The following CDC42BPA variants were observed in gnomAD, a reference collection of about 807,000 sequenced individuals.
The protein encoded by CDC42BPA is serine/threonine-protein kinase MRCK alpha.
In CDC42BPA, 80 loss-of-function variants were observed where a neutral mutation model predicts 223.5. The ratio of observed to expected loss-of-function variants is 0.36; its 90% CI spans 0.30 to 0.43. CDC42BPA has a LOEUF of 0.43. Ranked by LOEUF, CDC42BPA falls within the 20% of genes least tolerant of loss-of-function variation. CDC42BPA has a pLI of 1.00. For missense variants in CDC42BPA, 1,743 were observed against 2,099.9 expected, an observed-to-expected ratio of 0.83 and a Z score of 3.32; for synonymous variants, 694 against 718.6, an observed-to-expected ratio of 0.97 and a Z score of 0.55.
intron 6 of CDC42BPA, among the ~76,000 whole-genome samples, chr1:227,153,222 T>A (rs1343925027): frequency 7.9e-6 from 1 of 126,506 alleles, no homozygotes; most frequent in African/African-American, 2.8e-5. Context: ...TATACATCTG[T>A]ACCCAAAAGT....
At chr1:227,297,609 CAG>C (rs1690869151) in intron 1 of CDC42BPA, among the ~76,000 whole-genome samples, 1 of 152,018 alleles carries the variant, frequency 6.6e-6, no homozygotes, top group Admixed American at 6.6e-5. Context: ...CAGCCATAAA[CAG>C]GAATGAAGTT....
intron 1 of CDC42BPA, among the ~76,000 whole-genome samples, chr1:227,261,124 C>CTTTTTTTTTTTTTTTTTTTTT (rs386369874): frequency 8.3e-5 from 10 of 121,022 alleles, no homozygotes; most frequent in South Asian, 2.8e-4. Context: ...TTGAGTTTTT[C>CTTTTTTTTTTTTTTTTTTTTT]TTTTTTTTTG....
At position 227,206,318 on chromosome 1, in the gene CDC42BPA, A is replaced by G. The variant is rs552912403; in HGVS notation, c.355-6666T>C. ...GTAGAGTTATTGGTGATAAACTAGC[A>G]AAGTTTGTAAATGATAAATCTGTGA... On this transcript the variant is annotated intron_variant, in intron 3 of 36. Transcript: ENST00000366766. 5.3e-5 allele frequency among the ~76,000 whole-genome samples: 8 copies of G among 150,796 alleles called. No individual in the cohort carries two copies. In the East Asian group the frequency reaches 1.4e-3, roughly 26 times the overall value.
chr1:227,308,572 G>A (rs74219473), intron 1 of CDC42BPA, among the ~76,000 whole-genome samples: 1 of 146,688 alleles, frequency 6.8e-6, no homozygotes, highest in African/African-American at 2.5e-5. Context: ...TAAATCACCA[G>A]AAAAGGAAGA....
chr1:227,176,608 T>C (rs907787863), intron 5 of CDC42BPA, among the ~76,000 whole-genome samples: 2 of 149,994 alleles, frequency 1.3e-5, no homozygotes, highest in African/African-American at 4.9e-5. Context: ...GCTTTAGTTC[T>C]ACAACTGACT....
intron 23 of CDC42BPA, among the ~76,000 whole-genome samples, chr1:227,045,676 T>C (rs1209078038): frequency 6.6e-6 from 1 of 152,266 alleles, no homozygotes; most frequent in East Asian, 1.9e-4. Flanking sequence ...CTCAAATTTA[T>C]CTTGTGACTC....
intron 4 of CDC42BPA, 73 bp downstream of exon 4, chr1:227,199,484 A>G: frequency 1.1e-6 from 1 of 885,348 alleles, no homozygotes; most frequent in Non-Finnish European, 1.8e-6. Flanking sequence ...ACATTTAAAC[A>G]ATGCTTAAAT....
chr1:227,221,427 A>C (rs1675877951), intron 2 of CDC42BPA, among the ~76,000 whole-genome samples: 1 of 152,208 alleles, frequency 6.6e-6, no homozygotes, highest in Admixed American at 6.5e-5. Flanking sequence ...AGAAGTCAAC[A>C]ATCTGTATAC....
rs575953988 is a variant in CDC42BPA at position 227,074,359 on chromosome 1, C to G, written c.2486G>C (p.Ser829Thr). The change falls in exon 18 of 37, where the codon AGC becomes ACC. Residue 829 changes from serine (S) to threonine (T), a missense_variant. By Grantham distance (58) the Ser-to-Thr change is moderately conservative. Transcript: ENST00000366766. ...ATACCCTCGTGCATCCTTTTCATCG[C>G]TGACCCTAGAATATATAAAGACAAA... ...AQITEIIQWV[S>T]DEKDARGYLQ... The G allele has an allele frequency of 8.1e-6, 13 of 1,611,108 alleles. No homozygotes were observed. The South Asian group carries it at 1.3e-4, about 16-fold the overall frequency.
chr1:227,080,874 C>A lies in CDC42BPA; in HGVS notation c.2480+19G>T. 1 of 1,612,690 alleles carries A rather than the reference C, an allele frequency of 6.2e-7. No individual in the cohort carries two copies. The highest frequency in any genetic ancestry group is 8.5e-7 in the Non-Finnish European group (1 of 1,179,648). ...ATACTCACAATCATCCACAAAAAAA[C>A]GTTTAAAAGAGCACTCACCACTGAA... On this transcript the variant is annotated intron_variant, in intron 17 of 36. Transcript: ENST00000366766.
chr1:227,058,859 T>G (rs1214499817), intron 21 of CDC42BPA, among the ~76,000 whole-genome samples: 2 of 147,324 alleles, frequency 1.4e-5, no homozygotes, highest in Admixed American at 1.4e-4. Context: ...GTTTGGGAGA[T>G]TCCTCTGAAC....
At chr1:227,092,380 A>G (rs1683237935) in intron 15 of CDC42BPA, among the ~76,000 whole-genome samples, 1 of 152,202 alleles carries the variant, frequency 6.6e-6, no homozygotes, top group Non-Finnish European at 1.5e-5. Context: ...GCAATGCAAA[A>G]AGTATTTGGG....
chr1:227,030,324 G>C (rs1274916646), intron 29 of CDC42BPA, 84 bp downstream of exon 29: 8 of 794,634 alleles, frequency 1.0e-5, no homozygotes, highest in Non-Finnish European at 2.1e-6. Flanking sequence ...AGCAAATCCT[G>C]CTCTTTGTAG....
Position 227,030,423 on chromosome 1 carries a change from G to C in CDC42BPA, c.3823C>G (p.His1275Asp). 1 of 1,594,034 alleles carries C rather than the reference G, an allele frequency of 6.3e-7. No homozygotes were observed. Among genetic ancestry groups the C allele is most frequent in the Non-Finnish European group, 8.6e-7 (1 of 1,169,410 alleles). The stretch of plus-strand genomic sequence containing the variant: ...TTTCTCTTACCATCTTTGGTGACAT[G>C]TACAACAAATAACCCTTCTTCGTTT... ...LGNEEGLFVV[H>D]VTKDEIIRVG... is the part of the protein sequence containing the mutation. Residue 1275 changes from histidine to aspartate, a missense_variant, in exon 29 of 37, where the codon CAT becomes GAT. Coordinates refer to ENST00000366766, the MANE Select transcript of CDC42BPA (RefSeq NM_001394014.1).
Position 227,143,021 on chromosome 1 carries a change from T to C in CDC42BPA, c.1147A>G (p.Thr383Ala). The change falls in exon 9 of 37, where the codon ACG becomes GCG. Residue 383 changes from threonine (T) to alanine (A), a missense_variant. Transcript: ENST00000366766. Reference protein sequence around the residue: ...VDDDCLKNSETMPPPTHTAFS... With the variant: ...VDDDCLKNSEAMPPPTHTAFS... ...GCAGTATGTGTTGGTGGGGGCATCG[T>C]TTCCTAAAGGAGGAAAAAACATCTG... 6.6e-7 allele frequency: 1 copy of C among 1,522,842 alleles called. No homozygotes were observed. Among genetic ancestry groups the C allele is most frequent in the Non-Finnish European group, 8.7e-7 (1 of 1,145,792 alleles). 94.3% of individuals were successfully genotyped at this position (1,522,842 alleles called of 1,614,324 possible). A position where few individuals can be genotyped will look rare whatever the true frequency, so the allele number is the denominator to read the frequency against.
chr1:227,177,033 C>G (rs1011161469), intron 5 of CDC42BPA, among the ~76,000 whole-genome samples: 1 of 151,018 alleles, frequency 6.6e-6, no homozygotes, highest in African/African-American at 2.4e-5. Context: ...CCCTACCTCT[C>G]TCGATTATCT....
chr1:226,994,167 G>C lies in CDC42BPA; in HGVS notation c.*101C>G, dbSNP rs1408439083. On this transcript the variant is annotated 3_prime_UTR_variant, in exon 37 of 37. Coordinates refer to ENST00000366766, the MANE Select transcript of CDC42BPA (RefSeq NM_001394014.1). This position sits in a 1 kb window ranked among gnomAD's most constrained non-coding sequence, Gnocchi z 4.0. ...GTCCTGCTACTGCTGCCAGCCCCTG[G>C]TGGCTTTCAGGCCGAGCAGGCGAGG... 8 of 1,185,100 alleles carry C rather than the reference G, an allele frequency of 6.8e-6. No homozygotes were observed. The highest frequency in any genetic ancestry group is 2.4e-6 in the Non-Finnish European group (2 of 846,776). 73.4% of individuals were successfully genotyped at this position (1,185,100 alleles called of 1,614,324 possible).
At chr1:227,003,390 T>C (rs1368089788) in intron 35 of CDC42BPA, among the ~76,000 whole-genome samples, 1 of 152,128 alleles carries the variant, frequency 6.6e-6, no homozygotes, top group Admixed American at 6.5e-5. Flanking sequence ...TCCAAGCAAG[T>C]ACCATGCTCC....
intron 2 of CDC42BPA, among the ~76,000 whole-genome samples, chr1:227,238,898 AC>A (rs1403002150): frequency 6.6e-6 from 1 of 152,178 alleles, no homozygotes; most frequent in African/African-American, 2.4e-5. Flanking sequence ...AAACTTTAAA[AC>A]CCTCTTCTCA....
Sources: allele counts gnomAD v4.1 joint callset (sites outside exome capture counted in the v4.1 genomes callset), GRCh38; gene constraint gnomAD v4.1.1; non-coding constraint Gnocchi (gnomAD v3.1); transcripts MANE v1.5; gene names NCBI Gene and HGNC (gene_info 2026-07-23, HGNC 2026-07-21).